Variants in GABRG3 observed in about 807,000 individuals in gnomAD.
GABRG3 encodes the protein gamma-aminobutyric acid type A receptor subunit gamma3.
GABRG3 carries 25 observed loss-of-function variants against 48.8 expected under a neutral mutation model. That is an observed-to-expected ratio of 0.51 (90% CI 0.37 to 0.72). The LOEUF (loss-of-function observed/expected upper bound fraction) is 0.72, where lower values mean the gene tolerates loss of function less well. Among genes scored for constraint, GABRG3 ranks in the 30% least tolerant of loss-of-function variants. The probability of loss-of-function intolerance (pLI) is 0.00; values close to 1 mark genes in which losing one functional copy is unlikely to be tolerated. For synonymous variants in GABRG3, 227 were observed against 217.6 expected, an observed-to-expected ratio of 1.04 and a Z score of -0.38; for missense variants, 394 against 577.9, an observed-to-expected ratio of 0.68 and a Z score of 3.26.
intron 1 of GABRG3, among the ~76,000 whole-genome samples, chr15:26,971,938 GCT>G (rs1335606206): frequency 2.0e-5 from 3 of 152,048 alleles, no homozygotes; most frequent in Non-Finnish European, 4.4e-5. Context: ...TGTTTCAGGG[GCT>G]CACACACACA....
At chr15:27,327,141 T>A in intron 4 of GABRG3, 112 bp downstream of exon 4, 1 of 917,116 alleles carries the variant, frequency 1.1e-6, no homozygotes, top group Non-Finnish European at 1.7e-6. Flanking sequence ...CTCTTTCACG[T>A]GAGACATACT....
chr15:27,021,955 A>G (rs1457643707), intron 2 of GABRG3, among the ~76,000 whole-genome samples: 1 of 152,226 alleles, frequency 6.6e-6, no homozygotes, highest in Non-Finnish European at 1.5e-5. Context: ...GACTATGAAT[A>G]CTGGTCCTTG....
chr15:27,350,973 G>A (rs541689249), intron 5 of GABRG3, among the ~76,000 whole-genome samples: 1 of 150,684 alleles, frequency 6.6e-6, no homozygotes, highest in East Asian at 1.9e-4. Context: ...GTGTGTGTTT[G>A]TGTGTGTATG....
At chr15:27,004,023 G>C (rs550401400) in intron 2 of GABRG3, among the ~76,000 whole-genome samples, 2 of 149,416 alleles carry the variant, frequency 1.3e-5, no homozygotes, top group South Asian at 4.2e-4. Context: ...CTGTCCGGGC[G>C]GGGGGCTGAA....
At position 27,236,357 on chromosome 15, in the gene GABRG3, C is replaced by T. The variant is rs1343202055; in HGVS notation, c.271-90452C>T. On this transcript the variant is annotated intron_variant, in intron 3 of 9. Transcript: ENST00000615808. This position sits in a 1 kb window ranked among gnomAD's most constrained non-coding sequence, Gnocchi z 4.4. ...AGCATCAAATGCTAAGGTCCCCAGC[C>T]CACTGAATGGACCCCCTGACCCACT... Among the ~76,000 whole-genome samples, 2 of 152,104 alleles carry T rather than the reference C, an allele frequency of 1.3e-5. No individual in the cohort carries two copies. Among genetic ancestry groups the T allele is most frequent in the South Asian group, 2.1e-4 (1 of 4,816 alleles).
chr15:27,295,516 A>T (rs1442937485), intron 3 of GABRG3, among the ~76,000 whole-genome samples: 2 of 152,240 alleles, frequency 1.3e-5, no homozygotes, highest in East Asian at 3.9e-4. Flanking sequence ...GAGATGAGAG[A>T]TGGCTGTGAA....
intron 2 of GABRG3, among the ~76,000 whole-genome samples, chr15:26,981,978 T>C (rs543837487): frequency 6.6e-6 from 1 of 152,180 alleles, no homozygotes; most frequent in Admixed American, 6.5e-5. Flanking sequence ...CATATCACCC[T>C]TCATGCCTCA....
Position 27,538,750 on chromosome 15 carries a change from T to C in GABRG3, c.*5869T>C, listed in dbSNP as rs1891603612. On this transcript the variant is annotated 3_prime_UTR_variant, in exon 10 of 10. Transcript: ENST00000615808. ...TTTCTAGTTATTCAGGGTTCCTTCTTTGATTTTCATGAGAAAGGAACATTT... is the reference window on the plus strand; with the variant it reads ...TTTCTAGTTATTCAGGGTTCCTTCTCTGATTTTCATGAGAAAGGAACATTT... 1 of 152,326 alleles carries C rather than the reference T, an allele frequency of 6.6e-6. No individual in the cohort carries two copies. The highest frequency in any genetic ancestry group is 3.4e-3 in the Middle Eastern group (1 of 294). 9.4% of individuals were successfully genotyped at this position (152,326 alleles called of 1,614,324 possible).
At chr15:27,003,848 G>C (rs1448734831) in intron 2 of GABRG3, among the ~76,000 whole-genome samples, 5 of 142,722 alleles carry the variant, frequency 3.5e-5, no homozygotes, top group African/African-American at 1.1e-4. Flanking sequence ...GGCCGGGCGG[G>C]GGGGGCTGAC....
intron 5 of GABRG3, among the ~76,000 whole-genome samples, chr15:27,384,395 C>T (rs1048748891): frequency 2.6e-5 from 4 of 152,114 alleles, no homozygotes; most frequent in Non-Finnish European, 4.4e-5. Context: ...GTCATCCTAT[C>T]ACAAACCCAC....
Position 27,539,100 on chromosome 15 carries a change from G to A in GABRG3, c.*6219G>A, listed in dbSNP as rs953305088. The A allele has an allele frequency of 4.6e-5, 7 of 152,148 alleles. No individual in the cohort carries two copies. Among genetic ancestry groups the A allele is most frequent in the Admixed American group, 4.6e-4 (7 of 15,276 alleles). The allele number at this position is 152,148 out of a possible 1,614,324, so 9.4% of individuals were successfully genotyped here. ...AATCTCCTTTGGGAAAGGAACCTGT[G>A]GACCCTGGAGCTAAGTTGTCATTTT... On this transcript the variant is annotated 3_prime_UTR_variant, in exon 10 of 10. Coordinates refer to ENST00000615808, the MANE Select transcript of GABRG3 (RefSeq NM_033223.5).
chr15:27,113,239 T>G (rs1440056922), intron 3 of GABRG3, among the ~76,000 whole-genome samples: 3 of 152,140 alleles, frequency 2.0e-5, no homozygotes, highest in East Asian at 1.9e-4. Context: ...AATAATAATT[T>G]ATTGTGTATT....
At chr15:27,337,743 A>C (rs575416567) in intron 5 of GABRG3, among the ~76,000 whole-genome samples, 1 of 152,324 alleles carries the variant, frequency 6.6e-6, no homozygotes, top group African/African-American at 2.4e-5. Flanking sequence ...TCTCAGTTCC[A>C]GATTTGAAAT....
At chr15:27,109,842 A>G (rs560276474) in intron 3 of GABRG3, among the ~76,000 whole-genome samples, 1 of 152,272 alleles carries the variant, frequency 6.6e-6, no homozygotes, top group Admixed American at 6.5e-5. Context: ...AGATCGCGCC[A>G]CTGCACTCTA....
At chr15:27,122,643 C>T (rs1486272531) in intron 3 of GABRG3, among the ~76,000 whole-genome samples, 1 of 152,214 alleles carries the variant, frequency 6.6e-6, no homozygotes, top group African/African-American at 2.4e-5. Context: ...GTGCAGACAG[C>T]CTGTGCCCTG....
chr15:26,984,745 C>T (rs9920088), intron 2 of GABRG3, among the ~76,000 whole-genome samples: 59,353 of 151,912 alleles, frequency 0.39, 12,765 homozygotes, highest in Middle Eastern at 0.55. Flanking sequence ...TTCAGGGTTT[C>T]AAGAAACTTA....
At chr15:27,282,940 G>T (rs1173291110) in intron 3 of GABRG3, among the ~76,000 whole-genome samples, 1 of 152,120 alleles carries the variant, frequency 6.6e-6, no homozygotes, top group Non-Finnish European at 1.5e-5. Context: ...GAAGGTGGTG[G>T]AGACGGTTCA....
chr15:27,124,570 C>T (rs537544390), intron 3 of GABRG3, among the ~76,000 whole-genome samples: 1 of 152,328 alleles, frequency 6.6e-6, no homozygotes, highest in African/African-American at 2.4e-5. Flanking sequence ...TGGGTCATTG[C>T]TGAAGTCCTG....
Position 27,532,926 on chromosome 15 carries a change from A to G in GABRG3, c.*45A>G, listed in dbSNP as rs1444417605. On this transcript the variant is annotated 3_prime_UTR_variant, in exon 10 of 10. Transcript: ENST00000615808. ...GTGAAGAGCATTTGGTACACACTTG[A>G]CCTTCTGTCGTCCCCAGACCAGTAG... 1.9e-6 allele frequency: 3 copies of G among 1,580,604 alleles called. No individual in the cohort carries two copies. Among genetic ancestry groups the G allele is most frequent in the African/African-American group, 1.3e-5 (1 of 74,418 alleles).
Sources: gnomAD v4.1 joint callset for allele counts (sites outside exome capture counted in the v4.1 genomes callset) on GRCh38, gnomAD v4.1.1 for gene constraint, Gnocchi (gnomAD v3.1) non-coding constraint, MANE v1.5 for transcripts, NCBI Gene and HGNC (gene_info 2026-07-23, HGNC 2026-07-21) for gene names.